DLGAP1: variants seen among roughly 807,000 people sequenced by gnomAD.
The protein encoded by DLGAP1 is disks large-associated protein 1.
DLGAP1 carries 11 observed loss-of-function variants against 90.8 expected under a neutral mutation model. The ratio of observed to expected loss-of-function variants is 0.12; its 90% CI spans 0.08 to 0.20. The LOEUF (loss-of-function observed/expected upper bound fraction) is 0.20, where lower values mean the gene tolerates loss of function less well. Ranked by LOEUF, DLGAP1 falls within the 10% of genes least tolerant of loss-of-function variation. The pLI, the probability that DLGAP1 is intolerant of heterozygous loss-of-function variation, is 1.00. For missense variants in DLGAP1, 1,050 were observed against 1,333.8 expected, an observed-to-expected ratio of 0.79 and a Z score of 3.31; for synonymous variants, 558 against 540.7, an observed-to-expected ratio of 1.03 and a Z score of -0.44.
At chr18:3,776,523 T>A (rs1172964064) in intron 5 of DLGAP1, among the ~76,000 whole-genome samples, 3 of 152,200 alleles carry the variant, frequency 2.0e-5, no homozygotes, top group Non-Finnish European at 4.4e-5. Context: ...GGACCAGTTC[T>A]TGGCTTCCTT....
At chr18:3,538,375 CAAAA>C (rs112805068) in intron 9 of DLGAP1, among the ~76,000 whole-genome samples, 1 of 102,798 alleles carries the variant, frequency 9.7e-6, no homozygotes. Flanking sequence ...TCAAATGAGC[CAAAA>C]AAAAAAAAGA....
chr18:3,616,346 C>T (rs1333389961), intron 7 of DLGAP1, among the ~76,000 whole-genome samples: 2 of 152,142 alleles, frequency 1.3e-5, no homozygotes, highest in South Asian at 2.1e-4. Context: ...CAGCCCTGGG[C>T]GATGTGTACA....
At chr18:3,515,824 T>C (rs9953303) in intron 10 of DLGAP1, among the ~76,000 whole-genome samples, 5,916 of 150,746 alleles carry the variant, frequency 0.039, 409 homozygotes, top group African/African-American at 0.14. Flanking sequence ...TCTCGAAGCT[T>C]ACCACTATAT....
intron 1 of DLGAP1, among the ~76,000 whole-genome samples, chr18:4,165,962 GC>G (rs1301462789): frequency 2.6e-5 from 4 of 152,090 alleles, no homozygotes; most frequent in Non-Finnish European, 4.4e-5. Context: ...TTCAAGACCA[GC>G]CCTGAACAAT....
chr18:3,682,124 A>AT (rs1455531244), intron 7 of DLGAP1, among the ~76,000 whole-genome samples: 2 of 117,124 alleles, frequency 1.7e-5, no homozygotes, highest in African/African-American at 9.9e-5. Flanking sequence ...CTCAAAAAAA[A>AT]AAAAAATAAA....
intron 3 of DLGAP1, among the ~76,000 whole-genome samples, chr18:3,883,073 G>T (rs566935373): frequency 5.3e-4 from 80 of 152,246 alleles, no homozygotes; most frequent in African/African-American, 1.8e-3. Flanking sequence ...GTGAAACCTC[G>T]TCTCTACTAA....
At chr18:4,222,129 ATTTTCTTTC>A (rs905352043) in intron 1 of DLGAP1, among the ~76,000 whole-genome samples, 1 of 152,016 alleles carries the variant, frequency 6.6e-6, no homozygotes, top group Non-Finnish European at 1.5e-5. Flanking sequence ...AGATGATTTT[ATTTTCTTTC>A]TTTACTTAAA....
At chr18:3,666,505 A>G (rs947625608) in intron 7 of DLGAP1, among the ~76,000 whole-genome samples, 1 of 152,140 alleles carries the variant, frequency 6.6e-6, no homozygotes, top group African/African-American at 2.4e-5. Context: ...CCCATGGAAC[A>G]CCTACCAATC....
At chr18:3,598,625 G>A (rs1030464913) in intron 7 of DLGAP1, among the ~76,000 whole-genome samples, 3 of 151,584 alleles carry the variant, frequency 2.0e-5, no homozygotes, top group Non-Finnish European at 4.4e-5. Flanking sequence ...ATGCCACCCC[G>A]CCCAGCTAAT....
chr18:3,818,359 T>G (rs1385010984), intron 4 of DLGAP1, among the ~76,000 whole-genome samples: 1 of 138,980 alleles, frequency 7.2e-6, no homozygotes, highest in African/African-American at 2.7e-5. Context: ...TTTTTTTTTT[T>G]TTTTTTTTTT....
At chr18:3,631,625 T>C (rs756029546) in intron 7 of DLGAP1, among the ~76,000 whole-genome samples, 2 of 152,000 alleles carry the variant, frequency 1.3e-5, no homozygotes, top group Non-Finnish European at 2.9e-5. Context: ...CGTGTGCCTA[T>C]AGTCCCAGCT....
intron 12 of DLGAP1, among the ~76,000 whole-genome samples, chr18:3,500,357 G>C (rs1168500996): frequency 2.0e-5 from 3 of 152,140 alleles, no homozygotes; most frequent in African/African-American, 7.2e-5. Context: ...GTGAAAGGGT[G>C]CACATAAAAC....
rs144229533 is a variant in DLGAP1, at chr18:3,916,024, T to C, written c.-72-35884A>G. 5.2e-4 allele frequency among the ~76,000 whole-genome samples: 79 copies of C among 152,310 alleles called. No individual in the cohort carries two copies. The East Asian group carries it at 0.014, about 28-fold the overall frequency. ...CAGAAAAGGACAGTGTAGAAGCAGA[T>C]TGACACTGAATTATGGTCACCCTTG... On this transcript the variant is annotated intron_variant, in intron 3 of 12. Coordinates refer to ENST00000315677, the MANE Select transcript of DLGAP1 (RefSeq NM_004746.4).
At chr18:3,895,567 G>A (rs1201204836) in intron 3 of DLGAP1, among the ~76,000 whole-genome samples, 1 of 152,224 alleles carries the variant, frequency 6.6e-6, no homozygotes, top group Non-Finnish European at 1.5e-5. Context: ...ATAAATACAT[G>A]AATGGGAATT....
At chr18:3,981,606 G>T (rs927698572) in intron 3 of DLGAP1, among the ~76,000 whole-genome samples, 1 of 152,190 alleles carries the variant, frequency 6.6e-6, no homozygotes, top group African/African-American at 2.4e-5. Context: ...TAAGAACAGG[G>T]CACTGGGGAC....
In DLGAP1 at chr18:3,879,692, G is replaced by T; in HGVS notation, c.377C>A (p.Thr126Lys). The stretch of plus-strand genomic sequence containing the variant: ...GCTGTCGCTGCGGTGCTCCACGGCC[G>T]TGCGCTTGTACTGCAGGGTGTGATA... Reference protein sequence around the residue: ...DGYHTLQYKRTAVEHRSDSPG... With the variant: ...DGYHTLQYKRKAVEHRSDSPG... Residue 126 changes from threonine (T) to lysine (K), a missense_variant, in exon 4 of 13, where the codon ACG becomes AAG. Physicochemically the swap from Thr to Lys is moderately conservative, Grantham distance 78. Around this residue, in one of 2 missense-constraint regions of DLGAP1, gnomAD observed 485 missense variants for 454.1 expected, o/e 1.07. Coordinates refer to ENST00000315677, the MANE Select transcript of DLGAP1 (RefSeq NM_004746.4). The surrounding 1 kb of genome is among the most constrained non-coding windows in gnomAD (Gnocchi z 6.6). 6.2e-7 allele frequency: 1 copy of T among 1,607,786 alleles called. No individual in the cohort carries two copies. The highest frequency in any genetic ancestry group is 8.5e-7 in the Non-Finnish European group (1 of 1,179,770).
intron 7 of DLGAP1, among the ~76,000 whole-genome samples, chr18:3,674,294 A>ATATATAT (rs1555623961): frequency 4.3e-4 from 18 of 42,284 alleles, no homozygotes; most frequent in East Asian, 1.6e-3. Context: ...CTATAATATT[A>ATATATAT]AAATATATAT....
intron 1 of DLGAP1, among the ~76,000 whole-genome samples, chr18:4,258,010 T>TGTGTGTGTGTGC (rs529531621): frequency 3.4e-4 from 47 of 137,110 alleles, no homozygotes; most frequent in African/African-American, 9.9e-4. Context: ...TGTGTGTGTG[T>TGTGTGTGTGTGC]GCGCGCGCGC....
intron 1 of DLGAP1, among the ~76,000 whole-genome samples, chr18:4,391,788 T>C (rs2144431527): frequency 6.6e-6 from 1 of 152,290 alleles, no homozygotes; most frequent in East Asian, 1.9e-4. Flanking sequence ...ATTTACCTCA[T>C]GGGAGCCTAA....
Sources: gnomAD v4.1 joint callset for allele counts (sites outside exome capture counted in the v4.1 genomes callset) on GRCh38, gnomAD v4.1.1 for gene constraint, gnomAD v4.1.1 regional missense constraint, Gnocchi (gnomAD v3.1) non-coding constraint, MANE v1.5 for transcripts, NCBI Gene and HGNC (gene_info 2026-07-23, HGNC 2026-07-21) for gene names.